GULP1: variants seen among roughly 807,000 people sequenced by gnomAD.
The protein encoded by GULP1 is PTB domain-containing engulfment adapter protein 1.
Under a neutral mutation model 40.9 loss-of-function variants are expected in GULP1, and 19 were observed. The observed-to-expected ratio is 0.46, with a 90% CI of 0.32 to 0.68. The LOEUF (loss-of-function observed/expected upper bound fraction) is 0.68. GULP1 is among the 30% of genes least tolerant of loss of function. GULP1 has a pLI of 0.03. For missense variants in GULP1, 312 were observed against 362.2 expected, an observed-to-expected ratio of 0.86 and a Z score of 1.12; for synonymous variants, 119 against 117.6, an observed-to-expected ratio of 1.01 and a Z score of -0.08.
intron 4 of GULP1, among the ~76,000 whole-genome samples, chr2:188,503,695 A>G (rs1301207644): frequency 6.6e-6 from 1 of 151,894 alleles, no homozygotes; most frequent in African/African-American, 2.4e-5. Context: ...AAACCATAGC[A>G]GTCTCCTTTT....
In GULP1 at chr2:188,314,981, T is replaced by C. The variant is rs546270513; in HGVS notation, c.-172+22815T>C. Among the ~76,000 whole-genome samples the C allele has an allele frequency of 4.6e-5, 7 of 152,252 alleles. No homozygotes were observed. In the South Asian group the frequency reaches 1.5e-3, roughly 32 times the overall value. On this transcript the variant is annotated intron_variant, in intron 1 of 11. Transcript: ENST00000409830. ...GCTTGTGATCAGGTAACCCTTATTTTACTTAATAATGGCACCAAAGCACAG... is the reference window on the plus strand; with the variant it reads ...GCTTGTGATCAGGTAACCCTTATTTCACTTAATAATGGCACCAAAGCACAG...
At chr2:188,507,504 T>A (rs960136037) in intron 4 of GULP1, among the ~76,000 whole-genome samples, 3 of 151,180 alleles carry the variant, frequency 2.0e-5, no homozygotes, top group African/African-American at 7.3e-5. Context: ...ATGGAATAAG[T>A]ATCATGACTC....
chr2:188,360,973 C>T (rs1368329413), intron 1 of GULP1, among the ~76,000 whole-genome samples: 1 of 151,860 alleles, frequency 6.6e-6, no homozygotes, highest in Non-Finnish European at 1.5e-5. Context: ...GTGGCGTGAA[C>T]CTGAAAACTT....
intron 4 of GULP1, among the ~76,000 whole-genome samples, chr2:188,485,165 G>A (rs1316027785): frequency 6.6e-6 from 1 of 152,004 alleles, no homozygotes; most frequent in Non-Finnish European, 1.5e-5. Context: ...TGACTGATAT[G>A]CCTCATTTTG....
chr2:188,534,779 C>T (rs1688484533), intron 6 of GULP1, among the ~76,000 whole-genome samples: 1 of 151,980 alleles, frequency 6.6e-6, no homozygotes, highest in Admixed American at 6.6e-5. Flanking sequence ...ATAAGTTTAT[C>T]ACATGACAAC....
chr2:188,479,387 T>C (rs2061275678), intron 3 of GULP1, among the ~76,000 whole-genome samples: 1 of 152,102 alleles, frequency 6.6e-6, no homozygotes, highest in Non-Finnish European at 1.5e-5. Context: ...AAAATAGTGT[T>C]TCTTTCATTT....
intron 4 of GULP1, among the ~76,000 whole-genome samples, chr2:188,493,265 C>T (rs1436608036): frequency 3.3e-5 from 5 of 149,410 alleles, no homozygotes; most frequent in Non-Finnish European, 5.9e-5. Flanking sequence ...GAACATTAGT[C>T]ATTGTTGCAC....
intron 7 of GULP1, among the ~76,000 whole-genome samples, chr2:188,545,634 A>G (rs560563908): frequency 6.6e-6 from 1 of 152,054 alleles, no homozygotes; most frequent in South Asian, 2.1e-4. Context: ...ATCGTTTTAA[A>G]AGCCCATAGA....
chr2:188,312,755 TC>T (rs1387308234), intron 1 of GULP1, among the ~76,000 whole-genome samples: 1 of 152,072 alleles, frequency 6.6e-6, no homozygotes, highest in East Asian at 1.9e-4. Context: ...TAATTTACAT[TC>T]CCCCCAACAC....
chr2:188,371,637 A>T (rs1043629599), intron 1 of GULP1, among the ~76,000 whole-genome samples: 1 of 152,166 alleles, frequency 6.6e-6, no homozygotes, highest in Non-Finnish European at 1.5e-5. Flanking sequence ...TTACAAATTC[A>T]TCATGATCAG....
chr2:188,327,856 A>G (rs576083490), intron 1 of GULP1, among the ~76,000 whole-genome samples: 1 of 152,270 alleles, frequency 6.6e-6, no homozygotes, highest in East Asian at 1.9e-4. Context: ...CACATGGCCA[A>G]CCTAATATTT....
chr2:188,541,290 T>A lies in GULP1; in HGVS notation c.371T>A (p.Leu124Ter), dbSNP rs545876707. 1.2e-6 allele frequency: 2 copies of A among 1,612,902 alleles called. No homozygotes were observed. The highest frequency in any genetic ancestry group is 1.3e-5 in the African/African-American group (1 of 75,030). ...ICKDSESNKH[L>*]CYVFDSEKCA... The stretch of plus-strand genomic sequence containing the variant: ...AAAGATTCTGAGTCAAATAAACATT[T>A]GTGCTATGTATTTGACAGCGAAAAG... The change falls in exon 7 of 12, where the codon TTG becomes TAG. Residue 124 changes from leucine (L) to a stop codon, truncating the protein, a stop_gained. Transcript: ENST00000409830. LOFTEE classifies it high-confidence loss of function.
intron 1 of GULP1, among the ~76,000 whole-genome samples, chr2:188,323,482 A>T (rs2040291646): frequency 6.6e-6 from 1 of 152,042 alleles, no homozygotes; most frequent in African/African-American, 2.4e-5. Flanking sequence ...ATAACCACTT[A>T]TTCATGAAGG....
chr2:188,328,005 TA>T (rs1224175369), intron 1 of GULP1, among the ~76,000 whole-genome samples: 4 of 152,112 alleles, frequency 2.6e-5, no homozygotes, highest in Non-Finnish European at 5.9e-5. Flanking sequence ...TAAAAGTACA[TA>T]CCAAGAGGTC....
At chr2:188,581,739 C>A (rs1399131293) in intron 9 of GULP1, among the ~76,000 whole-genome samples, 3 of 152,176 alleles carry the variant, frequency 2.0e-5, no homozygotes, top group Non-Finnish European at 4.4e-5. Context: ...GGCATGATGA[C>A]TAGAGTCAGA....
intron 2 of GULP1, among the ~76,000 whole-genome samples, chr2:188,468,198 CTTG>C (rs1463454491): frequency 6.6e-6 from 1 of 151,994 alleles, no homozygotes; most frequent in African/African-American, 2.4e-5. Flanking sequence ...TCATTATTAG[CTTG>C]TTTACAGTGT....
intron 9 of GULP1, among the ~76,000 whole-genome samples, chr2:188,575,150 TG>T (rs965748846): frequency 3.9e-5 from 6 of 152,204 alleles, no homozygotes; most frequent in Middle Eastern, 3.2e-3. Context: ...ATTTTAGTTT[TG>T]GTTTTGGTCT....
chr2:188,402,475 T>G (rs772262323), intron 2 of GULP1, among the ~76,000 whole-genome samples: 4 of 152,122 alleles, frequency 2.6e-5, no homozygotes, highest in Non-Finnish European at 5.9e-5. Flanking sequence ...TAGTAATAGA[T>G]ATACTAGAAT....
At chr2:188,525,571 T>G (rs1190525542) in intron 5 of GULP1, among the ~76,000 whole-genome samples, 1 of 151,798 alleles carries the variant, frequency 6.6e-6, no homozygotes, top group Admixed American at 6.6e-5. Flanking sequence ...GCTGAATGTA[T>G]TTCATACACA....
Sources: allele counts gnomAD v4.1 joint callset (sites outside exome capture counted in the v4.1 genomes callset), GRCh38; gene constraint gnomAD v4.1.1; transcripts MANE v1.5; gene names NCBI Gene and HGNC (gene_info 2026-07-23, HGNC 2026-07-21).